Variants in MYOM3 observed in about 807,000 individuals in gnomAD.
MYOM3 encodes myomesin-3.
A neutral mutation model predicts 191.7 loss-of-function variants in MYOM3; 155 were observed. The ratio of observed to expected loss-of-function variants is 0.81; its 90% CI spans 0.71 to 0.92. MYOM3 has a LOEUF of 0.92. Among genes scored for constraint, MYOM3 ranks in the 40% least tolerant of loss-of-function variants. MYOM3 has a pLI of 0.00. For synonymous variants in MYOM3, 757 were observed against 762.9 expected, an observed-to-expected ratio of 0.99 and a Z score of 0.13; for missense variants, 1,889 against 1,890.6, an observed-to-expected ratio of 1.00 and a Z score of 0.02.
At position 24,057,176 on chromosome 1, in the gene MYOM3, A is replaced by G; in HGVS notation, c.*188T>C. The G allele has an allele frequency of 1.6e-6, 1 of 628,004 alleles. No individual in the cohort carries two copies. Among genetic ancestry groups the G allele is most frequent in the Non-Finnish European group, 2.7e-6 (1 of 365,774 alleles). The allele number at this position is 628,004 out of a possible 1,614,324, so 38.9% of individuals were successfully genotyped here. ...CCCGCTCTCCTGGAAGCCACTCAGG[A>G]CCCCAGAAAGATCTTTGCTTCTCCA... On this transcript the variant is annotated 3_prime_UTR_variant, in exon 37 of 37. Coordinates refer to ENST00000374434, the MANE Select transcript of MYOM3 (RefSeq NM_152372.4).
At chr1:24,094,714 T>A in intron 9 of MYOM3, 139 bp downstream of exon 9, 3 of 815,688 alleles carry the variant, frequency 3.7e-6, no homozygotes, top group South Asian at 1.9e-5. Context: ...ACTCCCGCTC[T>A]CCTCTGCCTC....
chr1:24,074,221 G>C lies in MYOM3; in HGVS notation c.2907C>G (p.Tyr969Ter), dbSNP rs376088182. The change falls in exon 23 of 37, where the codon TAC (tyrosine) becomes TAG (stop). Residue 969 changes from tyrosine (Y) to a stop codon, truncating the protein, a stop_gained. Coordinates refer to ENST00000374434, the MANE Select transcript of MYOM3 (RefSeq NM_152372.4). LOFTEE classifies it high-confidence loss of function. Reference protein sequence around the residue: ...KEPGLEDLGTYSVIVTDADED... With the variant: ...KEPGLEDLGT Reference sequence around the variant, plus strand: ...CATCGGCATCAGTGACTATGACTGAGTAGGTGCCCAAATCCTCGAGGCCGG... The same window carrying C: ...CATCGGCATCAGTGACTATGACTGACTAGGTGCCCAAATCCTCGAGGCCGG... 2 of 1,614,158 alleles carry C rather than the reference G, an allele frequency of 1.2e-6. No homozygotes were observed. The highest frequency in any genetic ancestry group is 8.5e-7 in the Non-Finnish European group (1 of 1,180,012).
chr1:24,102,219 G>GC (rs1350492235), intron 5 of MYOM3, among the ~76,000 whole-genome samples: 1 of 152,116 alleles, frequency 6.6e-6, no homozygotes, highest in Non-Finnish European at 1.5e-5. Context: ...CCACCATGCA[G>GC]CCCCCAGCCT....
Position 24,075,398 on chromosome 1 carries a change from A to G in MYOM3, c.2779T>C (p.Ser927Pro). ...LAFEAPEAPD[S>P]SEFQWSKDYK... ...TCTTTGGACCACTGAAACTCTGAGG[A>G]GTCGGGGGCTTCAGGGGCTTCAAAA... Residue 927 changes from serine to proline, a missense_variant, in exon 22 of 37, where the codon TCC becomes CCC. Coordinates refer to ENST00000374434, the MANE Select transcript of MYOM3 (RefSeq NM_152372.4). 1.2e-6 allele frequency: 2 copies of G among 1,612,454 alleles called. No individual in the cohort carries two copies. The highest frequency in any genetic ancestry group is 1.7e-6 in the Non-Finnish European group (2 of 1,179,550).
intron 27 of MYOM3, among the ~76,000 whole-genome samples, chr1:24,067,415 C>CTTTGT: frequency 1.0e-5 from 1 of 97,310 alleles, no homozygotes. Flanking sequence ...TCCTTCCTTC[C>CTTTGT]TTCCTTCCTT....
At chr1:24,077,003 G>T (rs911061455) in intron 20 of MYOM3, among the ~76,000 whole-genome samples, 1 of 152,036 alleles carries the variant, frequency 6.6e-6, no homozygotes, top group Non-Finnish European at 1.5e-5. Context: ...TGTATTTTTA[G>T]TAGAGGTGGG....
At chr1:24,099,316 A>G (rs1014181958) in intron 6 of MYOM3, among the ~76,000 whole-genome samples, 3 of 151,898 alleles carry the variant, frequency 2.0e-5, no homozygotes, top group Admixed American at 2.0e-4. Flanking sequence ...ATGTGTGCAT[A>G]TTATGGTATT....
At chr1:24,109,269 C>A in intron 1 of MYOM3, among the ~76,000 whole-genome samples, 1 of 152,228 alleles carries the variant, frequency 6.6e-6, no homozygotes, top group East Asian at 1.9e-4. Flanking sequence ...AGCTCCTTAT[C>A]CCAGCTTTCA....
intron 18 of MYOM3, 162 bp downstream of exon 18, chr1:24,081,839 G>A: frequency 1.4e-6 from 1 of 719,592 alleles, no homozygotes. Context: ...GCTCTAAACA[G>A]TTCTGTTCAA....
intron 20 of MYOM3, among the ~76,000 whole-genome samples, chr1:24,076,908 G>T (rs1049093489): frequency 2.0e-5 from 3 of 151,654 alleles, no homozygotes; most frequent in African/African-American, 7.3e-5. Flanking sequence ...TGCAACCTCT[G>T]CTTCTCCGGT....
intron 28 of MYOM3, chr1:24,066,622 G>A (rs1411298314): frequency 2.8e-6 from 1 of 356,800 alleles, no homozygotes; most frequent in Admixed American, 4.5e-5. Flanking sequence ...TCTATGAAGT[G>A]AGGATAGTAA....
In MYOM3 at chr1:24,063,151, A is replaced by G. The variant is rs748384660; in HGVS notation, c.3745T>C (p.Tyr1249His). The G allele has an allele frequency of 1.7e-5, 28 of 1,611,820 alleles. No individual in the cohort carries two copies. The East Asian group carries it at 6.0e-4, about 35-fold the overall frequency. ...FSKVKYYNVE[Y>H]MKTTWFHKDK... ...TTGTGGAACCAGGTGGTTTTCATGT[A>G]CTCCACGTTGTAGTACTTGACCTTG... The change falls in exon 32 of 37, where the codon TAC (tyrosine) becomes CAC (histidine). Residue 1249 changes from tyrosine to histidine, a missense_variant. Transcript: ENST00000374434. This position sits in a 1 kb window ranked among gnomAD's most constrained non-coding sequence, Gnocchi z 4.5.
Position 24,097,890 on chromosome 1 carries a change from C to T in MYOM3, c.745+33G>A, listed in dbSNP as rs200555878. 1.7e-3 allele frequency: 2,439 copies of T among 1,432,836 alleles called. 4 individuals are homozygous for T. The highest frequency in any genetic ancestry group is 2.1e-3 in the Non-Finnish European group (2,141 of 1,014,732). The allele number at this position is 1,432,836 out of a possible 1,614,324, so 88.8% of individuals were successfully genotyped here. On this transcript the variant is annotated intron_variant, in intron 7 of 36. Coordinates refer to ENST00000374434, the MANE Select transcript of MYOM3 (RefSeq NM_152372.4). ...TCTGCCCAGCTTGGGTTTGCTGTGGCCCGGAGTGCCTGTTGGGGTTGGGAG... is the reference window on the plus strand; with the variant it reads ...TCTGCCCAGCTTGGGTTTGCTGTGGTCCGGAGTGCCTGTTGGGGTTGGGAG...
Position 24,086,549 on chromosome 1 carries a change from G to C in MYOM3, c.1798+95C>G, listed in dbSNP as rs528010779. 2.3e-6 allele frequency: 3 copies of C among 1,281,012 alleles called. No homozygotes were observed. In the African/African-American group the frequency reaches 4.5e-5, roughly 19 times the overall value. The allele number at this position is 1,281,012 out of a possible 1,614,324, so 79.4% of individuals were successfully genotyped here. ...CTTCATGATGGGTAGAAGGGAGCGGGGACAGGGAAGTGGGCAGGGCTTTGT... is the reference window on the plus strand; with the variant it reads ...CTTCATGATGGGTAGAAGGGAGCGGCGACAGGGAAGTGGGCAGGGCTTTGT... On this transcript the variant is annotated intron_variant, in intron 15 of 36. Transcript: ENST00000374434.
Position 24,063,329 on chromosome 1 carries a change from T to A in MYOM3, c.3662-95A>T. ...GTCTGCCTCTGCCCTGGGGGGCAGG[T>A]GCTGTGGGGGAAATGCAGTGCTGTG... On this transcript the variant is annotated intron_variant, in intron 31 of 36. Coordinates refer to ENST00000374434, the MANE Select transcript of MYOM3 (RefSeq NM_152372.4). This position sits in a 1 kb window ranked among gnomAD's most constrained non-coding sequence, Gnocchi z 4.5. 2 of 1,353,826 alleles carry A rather than the reference T, an allele frequency of 1.5e-6. No homozygotes were observed. Among genetic ancestry groups the A allele is most frequent in the South Asian group, 1.2e-5 (1 of 85,536 alleles). The allele number at this position is 1,353,826 out of a possible 1,614,324, so 83.9% of individuals were successfully genotyped here.
chr1:24,083,852 G>A (rs538973635), intron 16 of MYOM3: 1 of 152,686 alleles, frequency 6.5e-6, no homozygotes, highest in African/African-American at 2.4e-5. Flanking sequence ...GCTTTGGCAA[G>A]TTATGTAACC....
At chr1:24,099,845 G>C (rs1285680998) in intron 5 of MYOM3, 70 bp from the exon 6 acceptor site, 2 of 1,104,010 alleles carry the variant, frequency 1.8e-6, no homozygotes, top group Non-Finnish European at 1.4e-6. Flanking sequence ...CCTCTCGGAT[G>C]GGGATTCCAG....
chr1:24,062,717 G>C (rs144465001), intron 32 of MYOM3, among the ~76,000 whole-genome samples: 150 of 152,226 alleles, frequency 9.9e-4, no homozygotes, highest in Non-Finnish European at 1.9e-3. Flanking sequence ...GACCAAGTTT[G>C]CTAAGTCTGC....
intron 20 of MYOM3, among the ~76,000 whole-genome samples, 169 bp from the exon 21 acceptor site, chr1:24,076,442 C>A (rs1643600504): frequency 6.6e-6 from 1 of 152,010 alleles, no homozygotes; most frequent in Admixed American, 6.6e-5. Flanking sequence ...ATTGTCTTTG[C>A]CATTCTTTTC....
Sources: gnomAD v4.1 joint callset for allele counts (sites outside exome capture counted in the v4.1 genomes callset) on GRCh38, gnomAD v4.1.1 for gene constraint, Gnocchi (gnomAD v3.1) non-coding constraint, MANE v1.5 for transcripts, NCBI Gene and HGNC (gene_info 2026-07-23, HGNC 2026-07-21) for gene names.